ASTN2: variants seen among roughly 807,000 people sequenced by gnomAD.
ASTN2 encodes the protein astrotactin-2.
ASTN2 carries 54 observed loss-of-function variants against 139.8 expected under a neutral mutation model. The observed-to-expected ratio is 0.39, with a 90% CI of 0.31 to 0.48. The LOEUF is 0.48. ASTN2 is among the 20% of genes least tolerant of loss of function. ASTN2 has a pLI of 0.95. For synonymous variants in ASTN2, 756 were observed against 719.5 expected (o/e 1.05, Z -0.81); for missense variants, 1,565 against 1,725.1 (o/e 0.91, Z 1.64).
At chr9:116,688,803 C>T (rs1365907505) in intron 16 of ASTN2, among the ~76,000 whole-genome samples, 41 of 151,998 alleles carry the variant, frequency 2.7e-4, no homozygotes, top group Non-Finnish European at 4.4e-5. Context: ...AGATCCATTA[C>T]AGCTTGAAGG....
intron 16 of ASTN2, among the ~76,000 whole-genome samples, chr9:116,659,094 T>C (rs566876086): frequency 3.9e-5 from 6 of 152,170 alleles, no homozygotes; most frequent in African/African-American, 1.4e-4. Context: ...TTGAGCATAC[T>C]TGTTTTCACA....
chr9:117,342,094 C>T (rs1829078195), intron 1 of ASTN2, among the ~76,000 whole-genome samples: 1 of 152,196 alleles, frequency 6.6e-6, no homozygotes, highest in Non-Finnish European at 1.5e-5. Context: ...TATTTAGCAT[C>T]TCCATTTCAT....
chr9:116,537,602 T>C (rs1444929896), intron 19 of ASTN2, among the ~76,000 whole-genome samples: 1 of 152,186 alleles, frequency 6.6e-6, no homozygotes. Flanking sequence ...GCTCTTGAGA[T>C]TTTAAAGCCA....
intron 5 of ASTN2, among the ~76,000 whole-genome samples, chr9:117,090,335 T>C (rs1050221500): frequency 3.3e-5 from 5 of 152,144 alleles, no homozygotes; most frequent in African/African-American, 9.7e-5. Context: ...TCTCCACCTC[T>C]TTTTCTCCAT....
chr9:117,382,487 G>A lies in ASTN2; in HGVS notation c.442+32010C>T, dbSNP rs1001173758. 9.2e-5 allele frequency among the ~76,000 whole-genome samples: 14 copies of A among 152,162 alleles called. 1 individual carries two copies. Among genetic ancestry groups the A allele is most frequent in the East Asian group, 1.9e-4 (1 of 5,198 alleles). On this transcript the variant is annotated intron_variant, in intron 1 of 22. Coordinates refer to ENST00000313400, the MANE Select transcript of ASTN2 (RefSeq NM_001365068.1). ...TGTTTAGGACGGGAAATTAAAGCTC[G>A]GGGAGACTAACTTGCCCAAATGCAC... is the stretch of plus-strand genomic sequence containing the variant.
intron 17 of ASTN2, among the ~76,000 whole-genome samples, chr9:116,621,609 A>G (rs10491578): frequency 0.17 from 25,264 of 152,122 alleles, 2,489 homozygotes; most frequent in Non-Finnish European, 0.23. Flanking sequence ...ACCATAACAC[A>G]TAGACCATAC....
chr9:117,040,028 C>G (rs1367334460), intron 5 of ASTN2, 63 bp from the exon 6 acceptor site: 11 of 1,467,430 alleles, frequency 7.5e-6, no homozygotes, highest in Non-Finnish European at 1.0e-5. Context: ...GGATTGGCAT[C>G]AAGTTTGGGA....
At chr9:116,948,096 G>C (rs1170982704) in intron 10 of ASTN2, among the ~76,000 whole-genome samples, 1 of 152,152 alleles carries the variant, frequency 6.6e-6, no homozygotes, top group East Asian at 1.9e-4. Context: ...ATGATTCTTT[G>C]ATAGGGCATT....
intron 3 of ASTN2, among the ~76,000 whole-genome samples, chr9:117,186,415 C>T (rs928643286): frequency 2.4e-4 from 36 of 151,768 alleles, no homozygotes; most frequent in East Asian, 3.9e-4. Context: ...GGTGTGGTGG[C>T]GGGCGCCTGT....
chr9:116,541,163 C>G (rs1007599475), intron 19 of ASTN2, among the ~76,000 whole-genome samples: 3 of 152,128 alleles, frequency 2.0e-5, no homozygotes, highest in African/African-American at 4.8e-5. Context: ...ATGTGTCATA[C>G]TCTTTTCTAT....
chr9:117,294,341 C>T (rs1834675383), intron 1 of ASTN2, among the ~76,000 whole-genome samples: 1 of 152,150 alleles, frequency 6.6e-6, no homozygotes. Context: ...GTGTGAAACA[C>T]AGTAAATATT....
chr9:116,501,107 GTCTT>G (rs1399012444), intron 19 of ASTN2, among the ~76,000 whole-genome samples: 1 of 152,202 alleles, frequency 6.6e-6, no homozygotes. Context: ...GAGACTATTT[GTCTT>G]TCTTCTTCTC....
At chr9:117,051,999 A>G (rs1012322208) in intron 5 of ASTN2, among the ~76,000 whole-genome samples, 1 of 152,206 alleles carries the variant, frequency 6.6e-6, no homozygotes, top group African/African-American at 2.4e-5. Context: ...TGCACAGTAG[A>G]TTATGGCAGA....
intron 19 of ASTN2, among the ~76,000 whole-genome samples, chr9:116,552,545 T>C (rs1272027841): frequency 6.6e-6 from 1 of 152,136 alleles, no homozygotes; most frequent in Non-Finnish European, 1.5e-5. Context: ...TAACATCATT[T>C]TGAAAACTGC....
rs370691123 is a variant in ASTN2, at chr9:116,699,872, C to A, written c.2806+25899G>T. Reference sequence around the variant, plus strand: ...TTTAATGTTTTTATTTGTTATGTCCCCCTCCCCGCTTCCCACCTAAATTTA... The same window carrying A: ...TTTAATGTTTTTATTTGTTATGTCCACCTCCCCGCTTCCCACCTAAATTTA... On this transcript the variant is annotated intron_variant, in intron 16 of 22. Transcript: ENST00000313400. This position sits in a 1 kb window ranked among gnomAD's most constrained non-coding sequence, Gnocchi z 4.2. 20 of 888,476 alleles carry A rather than the reference C, an allele frequency of 2.3e-5. No homozygotes were observed. The African/African-American group carries it at 3.2e-4, about 14-fold the overall frequency. 55.0% of individuals were successfully genotyped at this position (888,476 alleles called of 1,614,324 possible).
intron 2 of ASTN2, among the ~76,000 whole-genome samples, chr9:117,222,092 T>C (rs1588100580): frequency 6.6e-6 from 1 of 152,192 alleles, no homozygotes; most frequent in Non-Finnish European, 1.5e-5. Flanking sequence ...TTTTAATACA[T>C]GCTGAATGAT....
intron 5 of ASTN2, among the ~76,000 whole-genome samples, chr9:117,076,216 C>T (rs1194245802): frequency 1.3e-5 from 2 of 152,128 alleles, no homozygotes; most frequent in Admixed American, 6.5e-5. Flanking sequence ...GGTAAGCACG[C>T]TGGAGTGGGG....
chr9:116,685,222 C>T (rs890624297), intron 16 of ASTN2, among the ~76,000 whole-genome samples: 1 of 152,122 alleles, frequency 6.6e-6, no homozygotes, highest in African/African-American at 2.4e-5. Context: ...CCCCCCCACT[C>T]AGGAACTGAC....
chr9:117,226,128 T>G (rs10983577), intron 2 of ASTN2, among the ~76,000 whole-genome samples: 51,627 of 152,046 alleles, frequency 0.34, 9,346 homozygotes, highest in Middle Eastern at 0.43. Context: ...TTCTTGCAAT[T>G]CCAATTACAG....
Sources: gnomAD v4.1 joint callset for allele counts (sites outside exome capture counted in the v4.1 genomes callset) on GRCh38, gnomAD v4.1.1 for gene constraint, Gnocchi (gnomAD v3.1) non-coding constraint, MANE v1.5 for transcripts, NCBI Gene and HGNC (gene_info 2026-07-23, HGNC 2026-07-21) for gene names.